Variants in ACMSD observed in about 807,000 individuals in gnomAD.
ACMSD encodes the protein 2-amino-3-carboxymuconate-6-semialdehyde decarboxylase.
Under a neutral mutation model 45.9 loss-of-function variants are expected in ACMSD, and 37 were observed. That is an observed-to-expected ratio of 0.81 (90% CI 0.62 to 1.06). ACMSD has a LOEUF of 1.06. Among genes scored for constraint, ACMSD ranks in the 50% least tolerant of loss-of-function variants. The pLI is 0.00. For synonymous variants in ACMSD, 138 were observed against 148.8 expected (o/e 0.93, Z 0.53); for missense variants, 434 against 420.9 (o/e 1.03, Z -0.27).
At chr2:134,849,532 A>G (rs1463208349) in intron 2 of ACMSD, among the ~76,000 whole-genome samples, 1 of 152,194 alleles carries the variant, frequency 6.6e-6, no homozygotes, top group Non-Finnish European at 1.5e-5. Context: ...TTACTCTCCT[A>G]TGTTCCTTTA....
intron 2 of ACMSD, among the ~76,000 whole-genome samples, chr2:134,850,018 C>T (rs904261753): frequency 6.6e-6 from 1 of 151,874 alleles, no homozygotes; most frequent in Non-Finnish European, 1.5e-5. Context: ...TTACATCACA[C>T]TTTCAGCATT....
intron 8 of ACMSD, among the ~76,000 whole-genome samples, chr2:134,885,347 AT>A (rs1419209414): frequency 3.8e-5 from 4 of 105,346 alleles, no homozygotes; most frequent in South Asian, 2.4e-4. Flanking sequence ...ATATTTATAT[AT>A]AATATATATT....
intron 6 of ACMSD, among the ~76,000 whole-genome samples, chr2:134,868,456 T>C (rs954589897): frequency 4.2e-4 from 63 of 148,854 alleles, no homozygotes; most frequent in African/African-American, 1.4e-3. Flanking sequence ...TTTTTCTTTT[T>C]TTTTTTTTTT....
chr2:134,863,323 C>A, intron 4 of ACMSD, 72 bp from the exon 5 acceptor site: 2 of 1,366,782 alleles, frequency 1.5e-6, no homozygotes, highest in Non-Finnish European at 2.1e-6. Flanking sequence ...CATGAGGAGG[C>A]ACTGTTCAGA....
rs140079396 is a variant in ACMSD, at chr2:134,884,815, C to T, written c.849+12174C>T. On this transcript the variant is annotated intron_variant, in intron 8 of 9. Coordinates refer to ENST00000356140, the MANE Select transcript of ACMSD (RefSeq NM_138326.3). ...ATTTCATATAAATGTATTTATAAAACCTAGGAAAATCTTTTTTGGGGGTAG... is the reference window on the plus strand; with the variant it reads ...ATTTCATATAAATGTATTTATAAAATCTAGGAAAATCTTTTTTGGGGGTAG... Among the ~76,000 whole-genome samples, 4 of 152,144 alleles carry T rather than the reference C, an allele frequency of 2.6e-5. No individual in the cohort carries two copies. The East Asian group carries it at 7.7e-4, about 29-fold the overall frequency.
rs181000411 is a variant in ACMSD at position 134,865,541 on chromosome 2, T to C, written c.486+1910T>C. ...TGAGGACATCCAGTCTCTGAAGGGA[T>C]TCAGGAGCACATCCTGTCCCCAGGT... On this transcript the variant is annotated intron_variant, in intron 5 of 9. Coordinates refer to ENST00000356140, the MANE Select transcript of ACMSD (RefSeq NM_138326.3). 4.3e-3 allele frequency among the ~76,000 whole-genome samples: 656 copies of C among 152,308 alleles called. 6 individuals are homozygous for C. The highest frequency in any genetic ancestry group is 0.024 in the Middle Eastern group (7 of 294).
chr2:134,874,373 G>A (rs1053349421), intron 8 of ACMSD, among the ~76,000 whole-genome samples: 3 of 151,978 alleles, frequency 2.0e-5, no homozygotes, highest in Non-Finnish European at 2.9e-5. Context: ...TAATAATTTA[G>A]GATTCTTTTT....
intron 1 of ACMSD, among the ~76,000 whole-genome samples, chr2:134,839,669 T>A (rs1334279953): frequency 6.6e-6 from 1 of 152,348 alleles, no homozygotes; most frequent in Non-Finnish European, 1.5e-5. Flanking sequence ...AGAATGTTTA[T>A]CTTAAGTATT....
chr2:134,898,337 T>C lies in ACMSD; in HGVS notation c.850-4T>C. 2.5e-6 allele frequency: 4 copies of C among 1,570,718 alleles called. No individual in the cohort carries two copies. Among genetic ancestry groups the C allele is most frequent in the Non-Finnish European group, 3.4e-6 (4 of 1,162,198 alleles). ...AACAGAGAAATATATATTTTGTTTTTTAGGATAAAGTCATTTTGGGAACCG... is the reference window on the plus strand; with the variant it reads ...AACAGAGAAATATATATTTTGTTTTCTAGGATAAAGTCATTTTGGGAACCG... On this transcript the variant is annotated splice_region_variant and splice_polypyrimidine_tract_variant and intron_variant, in intron 8 of 9. Transcript: ENST00000356140.
intron 2 of ACMSD, among the ~76,000 whole-genome samples, chr2:134,855,509 A>T (rs1687540920): frequency 6.6e-6 from 1 of 152,228 alleles, no homozygotes; most frequent in Admixed American, 6.5e-5. Flanking sequence ...GGCCTTCTGC[A>T]GAAGAAGGCT....
At chr2:134,852,415 G>A (rs1487586966) in intron 2 of ACMSD, among the ~76,000 whole-genome samples, 1 of 152,150 alleles carries the variant, frequency 6.6e-6, no homozygotes, top group Non-Finnish European at 1.5e-5. Flanking sequence ...CAGTGGAGGT[G>A]GAGAGAAGTG....
chr2:134,842,417 C>G (rs963451232), intron 1 of ACMSD, among the ~76,000 whole-genome samples: 1 of 152,086 alleles, frequency 6.6e-6, no homozygotes, highest in African/African-American at 2.4e-5. Flanking sequence ...TTAGTTCTGA[C>G]CCCAGGGTAT....
At chr2:134,869,210 A>G (rs1688292034) in intron 6 of ACMSD, among the ~76,000 whole-genome samples, 1 of 151,264 alleles carries the variant, frequency 6.6e-6, no homozygotes, top group Non-Finnish European at 1.5e-5. Flanking sequence ...AAGCTCATTT[A>G]TTTATTTATT....
At chr2:134,863,191 A>G (rs1687926567) in intron 4 of ACMSD, 2 of 508,588 alleles carry the variant, frequency 3.9e-6, no homozygotes, top group Non-Finnish European at 5.1e-6. Flanking sequence ...TCAGCAATAT[A>G]CCTGCAGTTT....
chr2:134,898,929 C>T (rs2104973816), intron 9 of ACMSD, among the ~76,000 whole-genome samples: 1 of 152,066 alleles, frequency 6.6e-6, no homozygotes, highest in Non-Finnish European at 1.5e-5. Context: ...TGCTATAATG[C>T]TACCATTACC....
intron 1 of ACMSD, 29 bp from the exon 2 acceptor site, chr2:134,845,204 G>A: frequency 6.2e-7 from 1 of 1,614,032 alleles, no homozygotes; most frequent in South Asian, 1.1e-5. Context: ...TTTGCTCTTT[G>A]ACTCTAACTG....
intron 8 of ACMSD, among the ~76,000 whole-genome samples, chr2:134,884,459 T>G (rs549478698): frequency 1.5e-4 from 23 of 152,358 alleles, no homozygotes; most frequent in Admixed American, 1.1e-3. Flanking sequence ...AATTAATTTC[T>G]AGACTTCATT....
intron 2 of ACMSD, among the ~76,000 whole-genome samples, chr2:134,856,272 G>A (rs902960792): frequency 1.3e-5 from 2 of 152,130 alleles, no homozygotes; most frequent in Admixed American, 1.3e-4. Context: ...ATAGTAAGTG[G>A]CAGAACAAGA....
chr2:134,852,595 G>A (rs1305647362), intron 2 of ACMSD, among the ~76,000 whole-genome samples: 1 of 152,142 alleles, frequency 6.6e-6, no homozygotes, highest in Non-Finnish European at 1.5e-5. Context: ...AGGAAAAGCA[G>A]GCCAGGGACC....
Sources: allele counts gnomAD v4.1 joint callset (sites outside exome capture counted in the v4.1 genomes callset), GRCh38; gene constraint gnomAD v4.1.1; transcripts MANE v1.5; gene names NCBI Gene and HGNC (gene_info 2026-07-23, HGNC 2026-07-21).